The following KANK1 variants were observed in gnomAD, a reference collection of about 807,000 sequenced individuals.
KANK1 encodes KN motif and ankyrin repeat domain-containing protein 1.
KANK1 carries 109 observed loss-of-function variants against 106.2 expected under a neutral mutation model. The observed-to-expected ratio is 1.03, with a 90% CI of 0.88 to 1.20. The LOEUF is 1.20. Ranked by LOEUF, KANK1 falls within the 50% of genes most tolerant of loss-of-function variation. The pLI, the probability that KANK1 is intolerant of heterozygous loss-of-function variation, is 0.00. For synonymous variants in KANK1, 873 were observed against 652.2 expected, an observed-to-expected ratio of 1.34 and a Z score of -5.16; for missense variants, 2,399 against 1,710.7, an observed-to-expected ratio of 1.40 and a Z score of -7.10.
Position 676,917 on chromosome 9 carries a change from T to A in KANK1, c.-56T>A. ...TGAATGCCTTTGAGAACTTGATGCATAAAATTTGCATGACTCCTCACTCCT... is the reference window on the plus strand; with the variant it reads ...TGAATGCCTTTGAGAACTTGATGCAAAAAATTTGCATGACTCCTCACTCCT... On this transcript the variant is annotated 5_prime_UTR_variant, in exon 2 of 12. Coordinates refer to ENST00000382297, the MANE Select transcript of KANK1 (RefSeq NM_015158.5). 8 of 1,482,994 alleles carry A rather than the reference T, an allele frequency of 5.4e-6. No individual in the cohort carries two copies. The highest frequency in any genetic ancestry group is 6.5e-6 in the Non-Finnish European group (7 of 1,068,798). The allele number at this position is 1,482,994 out of a possible 1,614,324, so 91.9% of individuals were successfully genotyped here.
intron 1 of KANK1, among the ~76,000 whole-genome samples, chr9:635,680 C>T (rs1293786441): frequency 2.7e-5 from 4 of 147,828 alleles, no homozygotes; most frequent in African/African-American, 5.0e-5. Context: ...CATTTACCCA[C>T]ATTCCTTTTT....
At chr9:576,452 C>T (rs1820588391) in intron 1 of KANK1, among the ~76,000 whole-genome samples, 1 of 152,184 alleles carries the variant, frequency 6.6e-6, no homozygotes, top group Non-Finnish European at 1.5e-5. Flanking sequence ...CCTATCTTTC[C>T]CACAGTTCCC....
At chr9:677,105 C>T in intron 2 of KANK1, 96 bp downstream of exon 2, 2 of 1,127,680 alleles carry the variant, frequency 1.8e-6, no homozygotes, top group Non-Finnish European at 1.3e-6. Context: ...TAGCAAGTTG[C>T]CTAGATAACT....
At chr9:694,256 T>C (rs1820680385) in intron 2 of KANK1, among the ~76,000 whole-genome samples, 1 of 152,208 alleles carries the variant, frequency 6.6e-6, no homozygotes, top group East Asian at 1.9e-4. Context: ...AACTGTAATG[T>C]TTTGTTAGAA....
intron 2 of KANK1, among the ~76,000 whole-genome samples, chr9:683,345 A>G (rs1588885667): frequency 6.6e-6 from 1 of 152,192 alleles, no homozygotes; most frequent in South Asian, 2.1e-4. Flanking sequence ...AGGGTAAAAC[A>G]TAAACACATA....
intron 1 of KANK1, chr9:549,660 C>G (rs1273454282): frequency 6.6e-6 from 1 of 152,560 alleles, no homozygotes; most frequent in African/African-American, 2.4e-5. Context: ...GAGAAGCCAC[C>G]TTTTCCTCCC....
At position 711,932 on chromosome 9, in the gene KANK1, C is replaced by G; in HGVS notation, c.1166C>G (p.Ser389Cys). ...QKIQDSSCEA[S>C]SELRENGECR... ...ATCCAGGACAGCAGCTGTGAGGCCT[C>G]CTCAGAGCTCAGGGAGAATGGAGAG... Residue 389 changes from serine to cysteine, a missense_variant, in exon 3 of 12, where the codon TCC becomes TGC. Transcript: ENST00000382297. 1 of 1,614,146 alleles carries G rather than the reference C, an allele frequency of 6.2e-7. No homozygotes were observed. Among genetic ancestry groups the G allele is most frequent in the South Asian group, 1.1e-5 (1 of 91,076 alleles).
intron 2 of KANK1, among the ~76,000 whole-genome samples, chr9:695,815 C>T (rs1404079461): frequency 6.6e-6 from 1 of 152,158 alleles, no homozygotes; most frequent in Admixed American, 6.5e-5. Flanking sequence ...CCGACAGCTG[C>T]AAAGCAGCAG....
At chr9:530,171 G>C (rs10122162) in intron 1 of KANK1, among the ~76,000 whole-genome samples, 7 of 152,240 alleles carry the variant, frequency 4.6e-5, no homozygotes, top group Non-Finnish European at 8.8e-5. Context: ...ATAAGAATTG[G>C]AGTTGTTTGC....
chr9:538,336 T>A (rs1247361072), intron 1 of KANK1, among the ~76,000 whole-genome samples: 1 of 152,212 alleles, frequency 6.6e-6, no homozygotes, highest in Non-Finnish European at 1.5e-5. Flanking sequence ...GGGCCCTGTT[T>A]TTTTGTAAAA....
At chr9:572,120 A>T (rs7858168) in intron 1 of KANK1, among the ~76,000 whole-genome samples, 8,666 of 148,408 alleles carry the variant, frequency 0.058, 831 homozygotes, top group African/African-American at 0.2. Context: ...CACTAATACA[A>T]CTCTTAACTT....
At chr9:545,322 G>T (rs1277310272) in intron 1 of KANK1, among the ~76,000 whole-genome samples, 1 of 152,200 alleles carries the variant, frequency 6.6e-6, no homozygotes, top group Admixed American at 6.5e-5. Context: ...TTGAGTTCAA[G>T]CATCTACAGA....
chr9:590,373 C>A (rs558016382), intron 1 of KANK1, among the ~76,000 whole-genome samples: 1 of 152,242 alleles, frequency 6.6e-6, no homozygotes, highest in African/African-American at 2.4e-5. Context: ...TCTAACATTA[C>A]CATTTTCTCA....
intron 1 of KANK1, among the ~76,000 whole-genome samples, chr9:506,148 C>T (rs1302602481): frequency 1.3e-5 from 2 of 152,162 alleles, no homozygotes; most frequent in Non-Finnish European, 2.9e-5. Flanking sequence ...ACCCCTATAC[C>T]GATTAGCAGT....
chr9:739,018 A>C (rs994585853), intron 8 of KANK1, among the ~76,000 whole-genome samples: 1 of 152,230 alleles, frequency 6.6e-6, no homozygotes, highest in Non-Finnish European at 1.5e-5. Flanking sequence ...ATTCTCACCA[A>C]AATATACTGT....
chr9:612,892 G>T (rs7042862), intron 1 of KANK1, among the ~76,000 whole-genome samples: 1 of 151,964 alleles, frequency 6.6e-6, no homozygotes, highest in Non-Finnish European at 1.5e-5. Flanking sequence ...AATCACCTTT[G>T]CCTGTGATAT....
Position 682,604 on chromosome 9 carries a change from C to T in KANK1, c.37+5595C>T, listed in dbSNP as rs545771211. The stretch of plus-strand genomic sequence containing the variant: ...TTTTGTTTGGATGTTTGGACTGCTT[C>T]CACATTTTCCCTATGGTAGATGATG... On this transcript the variant is annotated intron_variant, in intron 2 of 11. Coordinates refer to ENST00000382297, the MANE Select transcript of KANK1 (RefSeq NM_015158.5). 1.3e-4 allele frequency among the ~76,000 whole-genome samples: 20 copies of T among 152,292 alleles called. No individual in the cohort carries two copies. In the South Asian group the frequency reaches 3.9e-3, roughly 30 times the overall value.
intron 2 of KANK1, among the ~76,000 whole-genome samples, chr9:471,892 G>C (rs1342943356): frequency 6.6e-6 from 1 of 152,116 alleles, no homozygotes; most frequent in Non-Finnish European, 1.5e-5. Context: ...AGCCACATGA[G>C]GATATGTGAG....
At chr9:730,975 A>T in intron 4 of KANK1, 183 bp from the exon 5 acceptor site, 1 of 409,642 alleles carries the variant, frequency 2.4e-6, no homozygotes, top group East Asian at 4.5e-5. Flanking sequence ...GAATGTTATT[A>T]ATGGAACTTT....
Sources: allele counts gnomAD v4.1 joint callset (sites outside exome capture counted in the v4.1 genomes callset), GRCh38; gene constraint gnomAD v4.1.1; transcripts MANE v1.5; gene names NCBI Gene and HGNC (gene_info 2026-07-23, HGNC 2026-07-21).